RNF213: variants seen among roughly 807,000 people sequenced by gnomAD.
The protein encoded by RNF213 is ring finger protein 213.
In RNF213, 341 loss-of-function variants were observed where a neutral mutation model predicts 514.4. That is an observed-to-expected ratio of 0.66 (90% confidence interval 0.61 to 0.73). The LOEUF is 0.73. RNF213 is among the 30% of genes least tolerant of loss of function. The pLI is 0.00. For missense variants in RNF213, 5,767 were observed against 6,615.6 expected (o/e 0.87, Z 4.45); for synonymous variants, 2,655 against 2,658.2 (o/e 1.00, Z 0.04).
intron 11 of RNF213, among the ~76,000 whole-genome samples, chr17:80,304,828 A>G (rs1448741095): frequency 6.6e-6 from 1 of 152,052 alleles, no homozygotes; most frequent in East Asian, 1.9e-4. Context: ...TCCCGAACTC[A>G]GCTTCCCCAG....
At chr17:80,271,079 C>T (rs940495980) in intron 2 of RNF213, among the ~76,000 whole-genome samples, 6 of 152,040 alleles carry the variant, frequency 3.9e-5, no homozygotes, top group Non-Finnish European at 8.8e-5. Context: ...TTGGATTAGG[C>T]TAGTCAGGGC....
chr17:80,372,857 C>T, intron 48 of RNF213, 118 bp from the exon 49 acceptor site: 1 of 1,359,488 alleles, frequency 7.4e-7, no homozygotes. Flanking sequence ...CCCCTCTCCC[C>T]TGGATGTGTT....
In RNF213 at chr17:80,373,841, A is replaced by G. The variant is rs1213185229; in HGVS notation, c.12943-617A>G. ...ATGGTGAAACCTTGTCTCTACTTCA[A>G]AGAAAAAAAAAATTAGCTGGACATG... On this transcript the variant is annotated intron_variant, in intron 49 of 67. Transcript: ENST00000582970. Among the ~76,000 whole-genome samples, 3 of 152,120 alleles carry G rather than the reference A, an allele frequency of 2.0e-5. No individual in the cohort carries two copies. In the South Asian group the frequency reaches 6.2e-4, roughly 32 times the overall value.
chr17:80,388,326 A>G (rs1013201910), intron 63 of RNF213, among the ~76,000 whole-genome samples: 1 of 152,222 alleles, frequency 6.6e-6, no homozygotes, highest in Non-Finnish European at 1.5e-5. Context: ...TGAATGGGAT[A>G]TGCACAAATA....
intron 26 of RNF213, chr17:80,340,802 T>G (rs1270023364): frequency 6.1e-6 from 1 of 163,784 alleles, no homozygotes; most frequent in Non-Finnish European, 1.3e-5. Context: ...TTTTTTTTTG[T>G]TTTTTGTTTT....
rs1459831997 is a variant in RNF213, at chr17:80,379,716, T to C, written c.13640+2T>C. ...TCGGGACGGCTTTCATCTGGTCAAG[T>C]ATGTGGGTCAGGATTCTATTTCCTA... On this transcript the variant is annotated splice_donor_variant, in intron 55 of 67. Coordinates refer to ENST00000582970, the MANE Select transcript of RNF213 (RefSeq NM_001256071.3). LOFTEE classifies it high-confidence loss of function. 6.2e-7 allele frequency: 1 copy of C among 1,613,380 alleles called. No homozygotes were observed. Among genetic ancestry groups the C allele is most frequent in the Non-Finnish European group, 8.5e-7 (1 of 1,179,312 alleles).
At chr17:80,379,971 C>G (rs2079920604) in intron 55 of RNF213, among the ~76,000 whole-genome samples, 1 of 152,116 alleles carries the variant, frequency 6.6e-6, no homozygotes. Flanking sequence ...CAGGTGTCTT[C>G]CTTTTGGGCC....
chr17:80,390,192 T>C lies in RNF213; in HGVS notation c.15466T>C (p.Trp5156Arg). The change falls in exon 67 of 68, where the codon TGG becomes CGG. Residue 5156 changes from tryptophan to arginine, a missense_variant. Trp to Arg is a moderately radical substitution (Grantham distance 101). Transcript: ENST00000582970. ...AACCGAGGAGCGCTTCCGCCCTCAG[T>C]GGAGGTATGGATTTGCACACCTATG... ...TQTEERFRPQWSLRDTLVSYM... is the reference protein window; with the variant it reads ...TQTEERFRPQRSLRDTLVSYM... 1.2e-6 allele frequency: 2 copies of C among 1,613,978 alleles called. No individual in the cohort carries two copies. The highest frequency in any genetic ancestry group is 4.5e-5 in the East Asian group (2 of 44,880).
chr17:80,324,250 G>A (rs1329471910), intron 17 of RNF213, among the ~76,000 whole-genome samples: 1 of 152,154 alleles, frequency 6.6e-6, no homozygotes, highest in Non-Finnish European at 1.5e-5. Flanking sequence ...TTATCAGTTT[G>A]TGGAAGTTCC....
rs898416825 is a variant in RNF213 at position 80,339,537 on chromosome 17, G to T, written c.5170G>T (p.Ala1724Ser). The change falls in exon 26 of 68, where the codon GCC becomes TCC. Residue 1724 changes from alanine to serine, a missense_variant. Ala to Ser is a moderately conservative substitution (Grantham distance 99). Transcript: ENST00000582970. ...GCTCAGGAAGCAGCCCCCGAGTGATGCCGCCCTAACGATGCTATCCTTCAT... is the reference window on the plus strand; with the variant it reads ...GCTCAGGAAGCAGCCCCCGAGTGATTCCGCCCTAACGATGCTATCCTTCAT... ...TELRKQPPSDAALTMLSFIKS... is the reference protein window; with the variant it reads ...TELRKQPPSDSALTMLSFIKS... The T allele has an allele frequency of 7.8e-6, 12 of 1,537,240 alleles. No individual in the cohort carries two copies. Among genetic ancestry groups the T allele is most frequent in the Non-Finnish European group, 1.0e-5 (12 of 1,146,890 alleles).
Position 80,337,656 on chromosome 17 carries a change from C to G in RNF213, c.4598C>G (p.Ser1533Cys). Reference protein sequence around the residue: ...NESHGSVERSSLTLATAINQR... With the variant: ...NESHGSVERSCLTLATAINQR... ...AGTCATGGGTCTGTGGAACGCTCATCCCTGACCCTGGCCACGGCCATCAAC... is the reference window on the plus strand; with the variant it reads ...AGTCATGGGTCTGTGGAACGCTCATGCCTGACCCTGGCCACGGCCATCAAC... The change falls in exon 24 of 68, where the codon TCC becomes TGC. Residue 1533 changes from serine (S) to cysteine (C), a missense_variant. This residue lies in a region of RNF213 where 1,377 missense variants were observed against 1,635.2 expected (regional missense o/e 0.84). Coordinates refer to ENST00000582970, the MANE Select transcript of RNF213 (RefSeq NM_001256071.3). 3 of 1,537,280 alleles carry G rather than the reference C, an allele frequency of 2.0e-6. No individual in the cohort carries two copies. Among genetic ancestry groups the G allele is most frequent in the Non-Finnish European group, 1.7e-6 (2 of 1,146,924 alleles).
intron 21 of RNF213, chr17:80,333,848 T>A (rs2077907501): frequency 4.2e-6 from 2 of 481,242 alleles, no homozygotes; most frequent in Admixed American, 3.3e-5. Flanking sequence ...GAATTGATTT[T>A]AAAATCCACT....
At position 80,364,511 on chromosome 17, in the gene RNF213, G is replaced by C. The variant is rs1381257350; in HGVS notation, c.11829G>C (p.Glu3943Asp). 110 of 1,614,054 alleles carry C rather than the reference G, an allele frequency of 6.8e-5. No homozygotes were observed. The highest frequency in any genetic ancestry group is 8.5e-5 in the Non-Finnish European group (100 of 1,180,024). The change falls in exon 42 of 68, where the codon GAG becomes GAC. Residue 3943 changes from glutamate to aspartate, a missense_variant. By Grantham distance (45) the Glu-to-Asp change is conservative. Transcript: ENST00000582970. ...VLLGTESRVP[E>D]LQGLVTEHVF... Reference sequence around the variant, plus strand: ...TAGGAACCGAGAGCCGCGTCCCCGAGTTACAGGGGCTGGTGACCGAGCACG... The same window carrying C: ...TAGGAACCGAGAGCCGCGTCCCCGACTTACAGGGGCTGGTGACCGAGCACG...
At chr17:80,285,827 C>T (rs191881234) in intron 3 of RNF213, among the ~76,000 whole-genome samples, 1,708 of 152,190 alleles carry the variant, frequency 0.011, 15 homozygotes, top group Non-Finnish European at 0.019. Flanking sequence ...CCTGCCACCA[C>T]GCCCAGCTAA....
chr17:80,270,550 G>A (rs1001802541), intron 2 of RNF213, among the ~76,000 whole-genome samples: 4 of 152,272 alleles, frequency 2.6e-5, no homozygotes, highest in South Asian at 2.1e-4. Context: ...AATCTGTGCC[G>A]GTCGTTGGGT....
chr17:80,362,039 G>A, intron 39 of RNF213, 151 bp downstream of exon 39: 1 of 866,222 alleles, frequency 1.2e-6, no homozygotes, highest in Non-Finnish European at 1.8e-6. Flanking sequence ...GGTGGGTGAA[G>A]GGGTCGCCCA....
intron 10 of RNF213, 122 bp from the exon 11 acceptor site, chr17:80,298,199 C>T: frequency 1.0e-6 from 1 of 1,004,430 alleles, no homozygotes; most frequent in Non-Finnish European, 1.5e-6. Context: ...CTCTGCTCAG[C>T]CACGCGCGGT....
intron 11 of RNF213, among the ~76,000 whole-genome samples, chr17:80,301,640 A>G (rs72849849): frequency 0.041 from 6,227 of 152,326 alleles, 155 homozygotes; most frequent in Middle Eastern, 0.075. Flanking sequence ...AAGACAAAAA[A>G]TAAATGCCAG....
Position 80,347,521 on chromosome 17 carries a change from G to C in RNF213, c.9186G>C (p.Gly3062=). The change falls in exon 29 of 68, where the codon GGG becomes GGC. Residue 3062 remains glycine, a synonymous_variant. Transcript: ENST00000582970. This position sits in a 1 kb window ranked among gnomAD's most constrained non-coding sequence, Gnocchi z 7.2. ...LQILQQTFFE[G]DQQPEIIFGS... is the part of the protein sequence containing the mutation. The stretch of plus-strand genomic sequence containing the variant: ...TCCTGCAGCAGACATTCTTCGAGGG[G>C]GACCAGCAGCCGGAGATTATTTTTG... 3 of 1,614,088 alleles carry C rather than the reference G, an allele frequency of 1.9e-6. No homozygotes were observed. Among genetic ancestry groups the C allele is most frequent in the Non-Finnish European group, 1.7e-6 (2 of 1,180,042 alleles).
Sources: allele counts gnomAD v4.1 joint callset (sites outside exome capture counted in the v4.1 genomes callset), GRCh38; gene constraint gnomAD v4.1.1; regional missense constraint gnomAD v4.1.1; non-coding constraint Gnocchi (gnomAD v3.1); transcripts MANE v1.5; gene names NCBI Gene and HGNC (gene_info 2026-07-23, HGNC 2026-07-21).